Variants in STAB2 observed in about 807,000 individuals in gnomAD.
The protein encoded by STAB2 is stabilin 2.
Under a neutral mutation model 338.1 loss-of-function variants are expected in STAB2, and 288 were observed. The observed-to-expected ratio is 0.85, with a 90% confidence interval of 0.77 to 0.94. The LOEUF is 0.94. STAB2 is among the 40% of genes least tolerant of loss of function. The pLI is 0.00. For synonymous variants in STAB2, 1,202 were observed against 1,193.3 expected, an observed-to-expected ratio of 1.01 and a Z score of -0.15; for missense variants, 3,141 against 3,210.1, an observed-to-expected ratio of 0.98 and a Z score of 0.52.
intron 64 of STAB2, among the ~76,000 whole-genome samples, chr12:103,758,832 C>A (rs1459889714): frequency 2.0e-5 from 3 of 152,220 alleles, no homozygotes; most frequent in Non-Finnish European, 4.4e-5. Flanking sequence ...GAGGCTCCGA[C>A]AGCCCCACCA....
At chr12:103,648,653 C>G (rs756515773) in intron 9 of STAB2, 37 bp from the exon 10 acceptor site, 11 of 1,604,400 alleles carry the variant, frequency 6.9e-6, no homozygotes, top group Non-Finnish European at 7.7e-6. Context: ...CTCAATGGCT[C>G]TAAAACCCTG....
Position 103,668,603 on chromosome 12 carries a change from C to G in STAB2, c.2086-40C>G, listed in dbSNP as rs1197246696. On this transcript the variant is annotated intron_variant, in intron 19 of 68. Transcript: ENST00000388887. Reference sequence around the variant, plus strand: ...GTGTGCAGTGCCTGGAGGACCTAAACATGCTGACTGCCATGCTTTCCCTCC... The same window carrying G: ...GTGTGCAGTGCCTGGAGGACCTAAAGATGCTGACTGCCATGCTTTCCCTCC... The G allele has an allele frequency of 2.6e-6, 4 of 1,538,084 alleles. No individual in the cohort carries two copies. In the Admixed American group the frequency reaches 7.8e-5, roughly 30 times the overall value.
intron 3 of STAB2, among the ~76,000 whole-genome samples, chr12:103,596,809 G>C (rs887720519): frequency 2.8e-4 from 42 of 151,932 alleles, no homozygotes; most frequent in African/African-American, 9.2e-4. Flanking sequence ...AGTCCAAAAA[G>C]GTAGCTGGGC....
intron 9 of STAB2, among the ~76,000 whole-genome samples, chr12:103,641,208 A>T (rs1872902317): frequency 6.6e-6 from 1 of 152,210 alleles, no homozygotes; most frequent in Admixed American, 6.5e-5. Context: ...CTGGGTGGTC[A>T]GTGTGTAGAT....
intron 23 of STAB2, 95 bp downstream of exon 23, chr12:103,674,182 A>C (rs1282553987): frequency 7.1e-7 from 1 of 1,405,596 alleles, no homozygotes; most frequent in Non-Finnish European, 9.6e-7. Context: ...GACGGAGCCA[A>C]CCCATATCTG....
intron 61 of STAB2, 148 bp from the exon 62 acceptor site, chr12:103,755,154 C>A: frequency 9.2e-7 from 1 of 1,082,946 alleles, no homozygotes; most frequent in Non-Finnish European, 1.3e-6. Context: ...ATCTAATGAC[C>A]ACCTACTGTG....
intron 64 of STAB2, among the ~76,000 whole-genome samples, chr12:103,758,685 G>GA (rs1261421957): frequency 2.0e-5 from 3 of 152,218 alleles, no homozygotes; most frequent in African/African-American, 7.2e-5. Flanking sequence ...AGCATGGGGG[G>GA]CAAAGGGCCA....
chr12:103,740,144 G>C (rs1235487614), intron 54 of STAB2, among the ~76,000 whole-genome samples: 1 of 152,178 alleles, frequency 6.6e-6, no homozygotes, highest in Non-Finnish European at 1.5e-5. Context: ...GAAGTGCCTG[G>C]CACATAGTAA....
rs1394347911 is a variant in STAB2, at chr12:103,590,977, C to T, written c.162C>T (p.Cys54=). Reference sequence around the variant, plus strand: ...GCGCTCTCAACCTTGGAGTCAAGTGCCCGGATGGTTACACCATGATTACCA... The same window carrying T: ...GCGCTCTCAACCTTGGAGTCAAGTGTCCGGATGGTTACACCATGATTACCA... ...RSCALNLGVK[C]PDGYTMITSG... The change falls in exon 2 of 69, where the codon TGC becomes TGT. Residue 54 remains cysteine (C), a synonymous_variant. Coordinates refer to ENST00000388887, the MANE Select transcript of STAB2 (RefSeq NM_017564.10). 1.2e-6 allele frequency: 2 copies of T among 1,614,034 alleles called. No individual in the cohort carries two copies. Among genetic ancestry groups the T allele is most frequent in the Non-Finnish European group, 8.5e-7 (1 of 1,179,994 alleles).
intron 64 of STAB2, 143 bp from the exon 65 acceptor site, chr12:103,758,990 A>G: frequency 1.4e-6 from 2 of 1,407,580 alleles, no homozygotes; most frequent in Middle Eastern, 1.9e-4. Flanking sequence ...AAGCCTAAGA[A>G]AACCTTGACA....
intron 63 of STAB2, among the ~76,000 whole-genome samples, chr12:103,756,747 G>T (rs1206953993): frequency 6.6e-6 from 1 of 152,050 alleles, no homozygotes; most frequent in Admixed American, 6.5e-5. Context: ...AGGGCTTGTA[G>T]GATCCATGTG....
intron 35 of STAB2, 40 bp downstream of exon 35, chr12:103,703,316 A>T: frequency 6.3e-7 from 1 of 1,595,526 alleles, no homozygotes; most frequent in Non-Finnish European, 8.5e-7. Flanking sequence ...GAACTAATGA[A>T]TATTGGCTTT....
At chr12:103,692,765 G>C in intron 30 of STAB2, 47 bp from the exon 31 acceptor site, 1 of 1,501,274 alleles carries the variant, frequency 6.7e-7, no homozygotes, top group Non-Finnish European at 9.2e-7. Flanking sequence ...CAATCCCAAG[G>C]TGCGCTCTAT....
chr12:103,721,267 C>T (rs1285209776), intron 44 of STAB2, among the ~76,000 whole-genome samples: 37 of 152,178 alleles, frequency 2.4e-4, no homozygotes, highest in Admixed American at 2.4e-3. Context: ...TGACTCATTC[C>T]TGAATGTTAA....
At chr12:103,629,299 G>T (rs1412949983) in intron 5 of STAB2, among the ~76,000 whole-genome samples, 1 of 152,186 alleles carries the variant, frequency 6.6e-6, no homozygotes, top group Non-Finnish European at 1.5e-5. Context: ...AATCATGTCT[G>T]AACAGAGACT....
chr12:103,626,957 C>T (rs1957390015), intron 5 of STAB2, among the ~76,000 whole-genome samples: 1 of 152,206 alleles, frequency 6.6e-6, no homozygotes, highest in South Asian at 2.1e-4. Context: ...CTAACATGAT[C>T]CCCAAATCAA....
At position 103,732,992 on chromosome 12, in the gene STAB2, T is replaced by C; in HGVS notation, c.5284-14T>C. On this transcript the variant is annotated splice_polypyrimidine_tract_variant and intron_variant, in intron 50 of 68. Transcript: ENST00000388887. ...TTGCTCAAGCCAGCAAGGGGCTGAA[T>C]CCCTGTGTTTCAGGACTCAGGTTTG... 1 of 1,612,760 alleles carries C rather than the reference T, an allele frequency of 6.2e-7. No individual in the cohort carries two copies. The highest frequency in any genetic ancestry group is 8.5e-7 in the Non-Finnish European group (1 of 1,179,224).
intron 4 of STAB2, 68 bp downstream of exon 4, chr12:103,620,621 T>A: frequency 8.9e-7 from 1 of 1,129,834 alleles, no homozygotes; most frequent in Non-Finnish European, 1.3e-6. Flanking sequence ...TTGATCCTCC[T>A]TAAACACACA....
intron 19 of STAB2, among the ~76,000 whole-genome samples, chr12:103,667,626 C>A (rs1875271495): frequency 6.6e-6 from 1 of 152,150 alleles, no homozygotes; most frequent in African/African-American, 2.4e-5. Flanking sequence ...TCCTGTGACC[C>A]ACACCTGGTT....
Sources: gnomAD v4.1 joint callset for allele counts (sites outside exome capture counted in the v4.1 genomes callset) on GRCh38, gnomAD v4.1.1 for gene constraint, MANE v1.5 for transcripts, NCBI Gene and HGNC (gene_info 2026-07-23, HGNC 2026-07-21) for gene names.